Variants in WWOX observed in about 807,000 individuals in gnomAD.
The protein encoded by WWOX is WW domain-containing oxidoreductase.
WWOX carries 69 observed loss-of-function variants against 46.2 expected under a neutral mutation model. The observed-to-expected ratio is 1.49, with a 90% confidence interval of 1.23 to 1.82. The LOEUF (loss-of-function observed/expected upper bound fraction) is 1.82, where lower values mean the gene tolerates loss of function less well. Ranked by LOEUF, WWOX falls within the 40% of genes most tolerant of loss-of-function variation. The probability of loss-of-function intolerance (pLI) is 0.00; values close to 1 mark genes in which losing one functional copy is unlikely to be tolerated. For synonymous variants in WWOX, 359 were observed against 202.6 expected (o/e 1.77, Z -6.56); for missense variants, 919 against 542.6 (o/e 1.69, Z -6.89).
chr16:78,401,867 T>C (rs2082421848), intron 6 of WWOX, among the ~76,000 whole-genome samples: 1 of 152,022 alleles, frequency 6.6e-6, no homozygotes, highest in Non-Finnish European at 1.5e-5. Context: ...GCTTGGCTAA[T>C]TTTTGTATTT....
intron 8 of WWOX, among the ~76,000 whole-genome samples, chr16:78,627,068 A>G (rs546078072): frequency 1.3e-5 from 2 of 152,244 alleles, no homozygotes; most frequent in South Asian, 4.1e-4. Context: ...CACAAAGGGC[A>G]GCATGCTACT....
chr16:78,790,954 G>C (rs556331690), intron 8 of WWOX, among the ~76,000 whole-genome samples: 1 of 142,426 alleles, frequency 7.0e-6, no homozygotes, highest in Non-Finnish European at 1.5e-5. Flanking sequence ...AGGAGATGGA[G>C]GTTGCAGTGA....
At chr16:78,395,653 G>C (rs3897140) in intron 6 of WWOX, among the ~76,000 whole-genome samples, 1 of 152,282 alleles carries the variant, frequency 6.6e-6, no homozygotes, top group South Asian at 2.1e-4. Context: ...GCAAGCTCTA[G>C]GGTGACAAGA....
intron 8 of WWOX, among the ~76,000 whole-genome samples, chr16:78,767,058 T>TTCCC (rs369061899): frequency 2.7e-4 from 41 of 150,740 alleles, no homozygotes; most frequent in Admixed American, 6.0e-4. Context: ...CTTCCTCTCC[T>TTCCC]TCCCTCCCTC....
intron 8 of WWOX, among the ~76,000 whole-genome samples, chr16:79,064,678 G>A (rs1215695914): frequency 3.3e-5 from 5 of 152,232 alleles, no homozygotes; most frequent in South Asian, 4.1e-4. Context: ...AGGATTAAAT[G>A]AGAGATGGTG....
chr16:78,944,119 G>T (rs1331081468), intron 8 of WWOX, among the ~76,000 whole-genome samples: 1 of 152,108 alleles, frequency 6.6e-6, no homozygotes, highest in Non-Finnish European at 1.5e-5. Flanking sequence ...GTTTTTTGCT[G>T]TGGTATTGTC....
At chr16:78,946,985 T>C (rs911339017) in intron 8 of WWOX, among the ~76,000 whole-genome samples, 1 of 151,888 alleles carries the variant, frequency 6.6e-6, no homozygotes, top group African/African-American at 2.4e-5. Flanking sequence ...ATTAAATGGA[T>C]TGTGAAGAGG....
chr16:78,643,883 G>A (rs2046781128), intron 8 of WWOX, among the ~76,000 whole-genome samples: 1 of 150,404 alleles, frequency 6.6e-6, no homozygotes, highest in Admixed American at 6.6e-5. Flanking sequence ...TTAGTAACCT[G>A]CAGCTCCCTT....
At chr16:78,994,971 T>TCTTC (rs1454655461) in intron 8 of WWOX, among the ~76,000 whole-genome samples, 2 of 84,738 alleles carry the variant, frequency 2.4e-5, no homozygotes, top group African/African-American at 1.4e-4. Context: ...TTCTTCTTCT[T>TCTTC]TTTTTTTTTT....
At chr16:79,098,911 T>C (rs763057994) in intron 8 of WWOX, among the ~76,000 whole-genome samples, 4 of 152,216 alleles carry the variant, frequency 2.6e-5, no homozygotes, top group African/African-American at 4.8e-5. Flanking sequence ...TGTGTTGCTA[T>C]AACAAAATAC....
chr16:79,021,296 A>T (rs147440534), intron 8 of WWOX, among the ~76,000 whole-genome samples: 3 of 152,250 alleles, frequency 2.0e-5, no homozygotes, highest in Admixed American at 6.5e-5. Flanking sequence ...GGCACGCAGG[A>T]TGCAAGATTA....
intron 5 of WWOX, among the ~76,000 whole-genome samples, chr16:78,337,411 C>G (rs947481931): frequency 3.3e-5 from 5 of 152,228 alleles, no homozygotes; most frequent in East Asian, 1.9e-4. Flanking sequence ...TGGTCCTGCC[C>G]CTGGTATGAG....
At chr16:79,099,149 G>C (rs935228078) in intron 8 of WWOX, among the ~76,000 whole-genome samples, 1 of 152,112 alleles carries the variant, frequency 6.6e-6, no homozygotes, top group Non-Finnish European at 1.5e-5. Flanking sequence ...ATCACAGAGG[G>C]AGAACTCACT....
chr16:79,129,586 A>G (rs557921069), intron 8 of WWOX, among the ~76,000 whole-genome samples: 2 of 152,014 alleles, frequency 1.3e-5, no homozygotes, highest in Admixed American at 6.6e-5. Flanking sequence ...TCTACCTGGT[A>G]TATTTGCAGG....
intron 8 of WWOX, among the ~76,000 whole-genome samples, chr16:78,466,371 G>A (rs1227747031): frequency 6.6e-6 from 1 of 152,118 alleles, no homozygotes; most frequent in African/African-American, 2.4e-5. Flanking sequence ...AACTGTTTTG[G>A]AACTAGAGGT....
chr16:78,407,368 C>T (rs1408724176), intron 6 of WWOX, among the ~76,000 whole-genome samples: 1 of 152,182 alleles, frequency 6.6e-6, no homozygotes, highest in African/African-American at 2.4e-5. Context: ...TTTCCTTTTA[C>T]ATAACATTCC....
At chr16:78,787,533 T>G (rs1045470470) in intron 8 of WWOX, among the ~76,000 whole-genome samples, 3 of 152,240 alleles carry the variant, frequency 2.0e-5, no homozygotes, top group Admixed American at 1.3e-4. Flanking sequence ...TTCTGTTACA[T>G]GGATATACCA....
intron 8 of WWOX, among the ~76,000 whole-genome samples, chr16:78,775,978 C>G (rs925324470): frequency 6.6e-6 from 1 of 152,184 alleles, no homozygotes; most frequent in East Asian, 1.9e-4. Context: ...CTGACACTTA[C>G]TAGGTTTCTC....
At chr16:78,817,081 C>G (rs2051350686) in intron 8 of WWOX, among the ~76,000 whole-genome samples, 2 of 151,826 alleles carry the variant, frequency 1.3e-5, no homozygotes, top group Non-Finnish European at 2.9e-5. Context: ...AAACCTTCCC[C>G]TAACCCTCTG....
Sources: allele counts gnomAD v4.1 joint callset (sites outside exome capture counted in the v4.1 genomes callset), GRCh38; gene constraint gnomAD v4.1.1; transcripts MANE v1.5; gene names NCBI Gene and HGNC (gene_info 2026-07-23, HGNC 2026-07-21).